ZNF276: variants seen among roughly 807,000 people sequenced by gnomAD.
The protein encoded by ZNF276 is zinc finger protein 276.
In ZNF276, 59 loss-of-function variants were observed where a neutral mutation model predicts 63.9. The observed-to-expected ratio is 0.92, with a 90% CI of 0.75 to 1.15. The LOEUF (loss-of-function observed/expected upper bound fraction) is 1.15. Ranked by LOEUF, ZNF276 falls within the 50% of genes most tolerant of loss-of-function variation. The pLI is 0.00. For missense variants in ZNF276, 1,084 were observed against 843.8 expected (o/e 1.28, Z -3.53); for synonymous variants, 496 against 348.4 (o/e 1.42, Z -4.72).
intron 4 of ZNF276, among the ~76,000 whole-genome samples, chr16:89,725,473 G>A (rs2061440708): frequency 2.0e-5 from 3 of 150,956 alleles, no homozygotes; most frequent in South Asian, 2.2e-4. Flanking sequence ...GAACCACCGC[G>A]CCCAGCCAAG....
rs1400428545 is a variant in ZNF276, at chr16:89,721,628, G to C, written c.-13G>C. ...GCAGCACCCGCGGGATTCTGCTGGC[G>C]TCCTCCGCTGCCATGAAGCGGGACC... On this transcript the variant is annotated 5_prime_UTR_variant, in exon 1 of 11. Coordinates refer to ENST00000443381, the MANE Select transcript of ZNF276 (RefSeq NM_001113525.2). 1 of 1,472,836 alleles carries C rather than the reference G, an allele frequency of 6.8e-7. No individual in the cohort carries two copies. The highest frequency in any genetic ancestry group is 8.9e-7 in the Non-Finnish European group (1 of 1,117,724). 91.2% of individuals were successfully genotyped at this position (1,472,836 alleles called of 1,614,324 possible).
chr16:89,739,058 C>G lies in ZNF276; in HGVS notation c.*812C>G, dbSNP rs574812539. On this transcript the variant is annotated 3_prime_UTR_variant, in exon 11 of 11. Transcript: ENST00000443381. ...GTCCCCCATAGTCTGCATGCTGTGC[C>G]GGAACATTCTTTGGCAGAAGGAGCC... 15 of 1,613,942 alleles carry G rather than the reference C, an allele frequency of 9.3e-6. No individual in the cohort carries two copies. Among genetic ancestry groups the G allele is most frequent in the Admixed American group, 1.7e-5 (1 of 60,030 alleles).
intron 9 of ZNF276, among the ~76,000 whole-genome samples, chr16:89,736,149 C>G (rs773841036): frequency 6.6e-6 from 1 of 152,194 alleles, no homozygotes; most frequent in Non-Finnish European, 1.5e-5. Flanking sequence ...CCTCGGCCTC[C>G]CGAAGTGCTG....
intron 6 of ZNF276, 28 bp downstream of exon 6, chr16:89,729,346 A>G: frequency 6.2e-7 from 1 of 1,608,834 alleles, no homozygotes; most frequent in Non-Finnish European, 8.5e-7. Flanking sequence ...GGTCTGCTGG[A>G]GGCATCCGTT....
In ZNF276 at chr16:89,740,307, C is replaced by G. The variant is rs2062097273; in HGVS notation, c.*2061C>G. The G allele has an allele frequency of 3.4e-6, 2 of 591,656 alleles. No individual in the cohort carries two copies. The highest frequency in any genetic ancestry group is 6.0e-6 in the Non-Finnish European group (2 of 330,728). 36.7% of individuals were successfully genotyped at this position (591,656 alleles called of 1,614,324 possible). On this transcript the variant is annotated 3_prime_UTR_variant, in exon 11 of 11. Coordinates refer to ENST00000443381, the MANE Select transcript of ZNF276 (RefSeq NM_001113525.2). Reference sequence around the variant, plus strand: ...GGCCAGGGACTTCGAGCACCCACACCAAGGCTGCTGCACCACGTCCTCAAA... The same window carrying G: ...GGCCAGGGACTTCGAGCACCCACACGAAGGCTGCTGCACCACGTCCTCAAA...
chr16:89,720,518 C>T (rs1417911421), upstream of ZNF276: 1 of 1,151,656 alleles, frequency 8.7e-7, no homozygotes, highest in Non-Finnish European at 1.1e-6. Context: ...GGAGCCCAGG[C>T]TGTGATGCAC....
intron 9 of ZNF276, among the ~76,000 whole-genome samples, chr16:89,735,088 A>T (rs1306008304): frequency 6.6e-6 from 1 of 151,870 alleles, no homozygotes; most frequent in East Asian, 1.9e-4. Context: ...AGCCGAGATC[A>T]CACCACTGCA....
rs776845842 is a variant in ZNF276, at chr16:89,739,928, C to G, written c.*1682C>G. ...AACCTCAAGGAGGGCTCGTTCTTAA[C>G]CATTTGCAAGATGCCTCTGAAAAGA... On this transcript the variant is annotated 3_prime_UTR_variant, in exon 11 of 11. Coordinates refer to ENST00000443381, the MANE Select transcript of ZNF276 (RefSeq NM_001113525.2). 6.2e-6 allele frequency: 10 copies of G among 1,604,894 alleles called. No homozygotes were observed. The highest frequency in any genetic ancestry group is 8.5e-6 in the Non-Finnish European group (10 of 1,173,372).
At position 89,738,120 on chromosome 16, in the gene ZNF276, G is replaced by T. The variant is rs2062009926; in HGVS notation, c.1719G>T (p.Met573Ile). The T allele has an allele frequency of 5.6e-6, 9 of 1,613,862 alleles. No homozygotes were observed. Among genetic ancestry groups the T allele is most frequent in the Non-Finnish European group, 7.6e-6 (9 of 1,180,022 alleles). Reference protein sequence around the residue: ...FEKAHNLNVHMSMVHPLTQTQ... With the variant: ...FEKAHNLNVHISMVHPLTQTQ... ...AGGCCCACAACCTCAATGTACACAT[G>T]TCCATGGTGCACCCGCTGACACAGA... Residue 573 changes from methionine to isoleucine, a missense_variant, in exon 11 of 11, where the codon ATG (methionine) becomes ATT (isoleucine). Physicochemically the swap from Met to Ile is conservative, Grantham distance 10 (BLOSUM62 1). Coordinates refer to ENST00000443381, the MANE Select transcript of ZNF276 (RefSeq NM_001113525.2).
In ZNF276 at chr16:89,739,321, C is replaced by T; in HGVS notation, c.*1075C>T. 1 of 1,613,832 alleles carries T rather than the reference C, an allele frequency of 6.2e-7. No individual in the cohort carries two copies. Reference sequence around the variant, plus strand: ...GTAAAGACATAGTGACAAATGGCTACAGACTGCTGGAAAGGTAGCAGGTGA... The same window carrying T: ...GTAAAGACATAGTGACAAATGGCTATAGACTGCTGGAAAGGTAGCAGGTGA... On this transcript the variant is annotated 3_prime_UTR_variant, in exon 11 of 11. Coordinates refer to ENST00000443381, the MANE Select transcript of ZNF276 (RefSeq NM_001113525.2).
chr16:89,733,859 A>G (rs926493148), intron 8 of ZNF276, 62 bp from the exon 9 acceptor site: 110 of 1,519,104 alleles, frequency 7.2e-5, no homozygotes, highest in Non-Finnish European at 9.1e-5. Flanking sequence ...TCACCTACTG[A>G]GGGCTCGTGC....
At chr16:89,721,476 C>CGCCCCTG (rs146063298), upstream of ZNF276, 18,778 of 599,820 alleles carry the variant, frequency 0.031, 552 homozygotes, top group African/African-American at 0.066. Flanking sequence ...GGCGGGGTCC[C>CGCCCCTG]GCCCCTGGCC....
intron 4 of ZNF276, among the ~76,000 whole-genome samples, chr16:89,726,585 C>T (rs910721383): frequency 6.6e-6 from 1 of 152,156 alleles, no homozygotes; most frequent in African/African-American, 2.4e-5. Flanking sequence ...CCCGCGTCAG[C>T]CTCCCAAAGT....
intron 9 of ZNF276, among the ~76,000 whole-genome samples, chr16:89,736,795 CAAAAAAA>C (rs3039799): frequency 9.7e-5 from 7 of 72,502 alleles, no homozygotes; most frequent in South Asian, 6.4e-4. Flanking sequence ...ACCCTGTCTC[CAAAAAAA>C]AAAAAAAAAA....
At position 89,721,705 on chromosome 16, in the gene ZNF276, A is replaced by G. The variant is rs2061283537; in HGVS notation, c.65A>G (p.Asp22Gly). Reference protein sequence around the residue: ...PGSSRQCGASDGGGGVSRTRG... With the variant: ...PGSSRQCGASGGGGGVSRTRG... The stretch of plus-strand genomic sequence containing the variant: ...TCGTCCCGACAGTGCGGGGCCTCGG[A>G]CGGCGGCGGCGGCGTCAGCCGGACT... Residue 22 changes from aspartate to glycine, a missense_variant, in exon 1 of 11, where the codon GAC (aspartate) becomes GGC (glycine). Physicochemically the swap from Asp to Gly is moderately conservative, Grantham distance 94 (BLOSUM62 -1). Coordinates refer to ENST00000443381, the MANE Select transcript of ZNF276 (RefSeq NM_001113525.2). The G allele has an allele frequency of 7.3e-7, 1 of 1,376,610 alleles. No homozygotes were observed. The highest frequency in any genetic ancestry group is 3.1e-5 in the East Asian group (1 of 32,146). 85.3% of individuals were successfully genotyped at this position (1,376,610 alleles called of 1,614,324 possible).
Position 89,727,278 on chromosome 16 carries a change from G to A in ZNF276, c.1007-1G>A, listed in dbSNP as rs35924380. The A allele has an allele frequency of 6.2e-7, 1 of 1,614,088 alleles. No homozygotes were observed. Among genetic ancestry groups the A allele is most frequent in the Middle Eastern group, 1.7e-4 (1 of 6,060 alleles). On this transcript the variant is annotated splice_acceptor_variant, in intron 4 of 10. Coordinates refer to ENST00000443381, the MANE Select transcript of ZNF276 (RefSeq NM_001113525.2). LOFTEE classifies it high-confidence loss of function. ...CAGGAGCCTTGTTCTTTGTTTCTCAGGGCAGTTGGGTGAGAAGCAGCTTCC... is the reference window on the plus strand; with the variant it reads ...CAGGAGCCTTGTTCTTTGTTTCTCAAGGCAGTTGGGTGAGAAGCAGCTTCC...
intron 9 of ZNF276, 168 bp from the exon 10 acceptor site, chr16:89,737,638 A>G: frequency 7.5e-7 from 1 of 1,329,180 alleles, no homozygotes. Context: ...AAAGCAGTTT[A>G]AAGATCTTAA....
chr16:89,736,843 T>A (rs1294155272), intron 9 of ZNF276, among the ~76,000 whole-genome samples: 1 of 145,644 alleles, frequency 6.9e-6, no homozygotes, highest in Non-Finnish European at 1.5e-5. Flanking sequence ...AGGTGGAGTT[T>A]CCAGTGAGCT....
At chr16:89,721,916 C>T in intron 1 of ZNF276, 71 bp downstream of exon 1, 1 of 1,058,554 alleles carries the variant, frequency 9.4e-7, no homozygotes, top group Non-Finnish European at 1.2e-6. Context: ...GCCGCACTGA[C>T]GCCCGGAAGC....
Sources: gnomAD v4.1 joint callset for allele counts (sites outside exome capture counted in the v4.1 genomes callset) on GRCh38, gnomAD v4.1.1 for gene constraint, MANE v1.5 for transcripts, NCBI Gene and HGNC (gene_info 2026-07-23, HGNC 2026-07-21) for gene names.